The following CCNY variants were observed in gnomAD, a reference collection of about 807,000 sequenced individuals.
The protein encoded by CCNY is cyclin Y.
Under a neutral mutation model 42.8 loss-of-function variants are expected in CCNY, and 19 were observed. The observed-to-expected ratio is 0.44, with a 90% CI of 0.31 to 0.65. The LOEUF (loss-of-function observed/expected upper bound fraction) is 0.65. Ranked by LOEUF, CCNY falls within the 30% of genes least tolerant of loss-of-function variation. The pLI is 0.07. For missense variants in CCNY, 370 were observed against 437.3 expected, an observed-to-expected ratio of 0.85 and a Z score of 1.37; for synonymous variants, 165 against 162.7, an observed-to-expected ratio of 1.01 and a Z score of -0.11.
rs539900621 is a variant in CCNY at position 35,402,112 on chromosome 10, G to A, written c.154+64905G>A. Among the ~76,000 whole-genome samples the A allele has an allele frequency of 3.9e-5, 6 of 152,188 alleles. No homozygotes were observed. In the South Asian group the frequency reaches 8.3e-4, roughly 21 times the overall value. The stretch of plus-strand genomic sequence containing the variant: ...GGGGTGGTATGGAGAGATAATGGGC[G>A]ATGTTTCTCAGGGCTGCTTCAAGTG... On this transcript the variant is annotated intron_variant, in intron 1 of 9. Coordinates refer to ENST00000374704, the MANE Select transcript of CCNY (RefSeq NM_145012.6).
intron 1 of CCNY, chr10:35,248,023 T>C (rs2095709463): frequency 6.6e-6 from 1 of 152,104 alleles, no homozygotes; most frequent in Non-Finnish European, 1.5e-5. Flanking sequence ...GCAGGAACTG[T>C]CACAAACAGC....
intron 3 of CCNY, among the ~76,000 whole-genome samples, chr10:35,311,443 G>A (rs1370706170): frequency 6.6e-6 from 1 of 152,220 alleles, no homozygotes; most frequent in Non-Finnish European, 1.5e-5. Context: ...TTGGGAGGCT[G>A]AGGCGGGTGG....
chr10:35,463,900 A>G (rs898218119), intron 1 of CCNY, among the ~76,000 whole-genome samples: 1 of 152,220 alleles, frequency 6.6e-6, no homozygotes, highest in Non-Finnish European at 1.5e-5. Context: ...AAGAAGCTGC[A>G]TTATGGAAGG....
chr10:35,295,508 A>G (rs1389342546), intron 3 of CCNY, among the ~76,000 whole-genome samples: 2 of 152,154 alleles, frequency 1.3e-5, no homozygotes, highest in African/African-American at 4.8e-5. Context: ...CTGGGATTAC[A>G]GGCTTGAGCC....
chr10:35,256,891 AAAAC>A (rs1240559971), intron 3 of CCNY, among the ~76,000 whole-genome samples: 1 of 152,192 alleles, frequency 6.6e-6, no homozygotes, highest in Non-Finnish European at 1.5e-5. Context: ...TTAAAAGTAA[AAAAC>A]AAAATGTGGA....
intron 1 of CCNY, among the ~76,000 whole-genome samples, chr10:35,442,581 G>A (rs1331183258): frequency 6.6e-6 from 1 of 152,194 alleles, no homozygotes. Context: ...GAACTTTTTA[G>A]TTAAGGGAAA....
At chr10:35,375,612 T>G (rs899537602) in intron 1 of CCNY, among the ~76,000 whole-genome samples, 1 of 152,214 alleles carries the variant, frequency 6.6e-6, no homozygotes, top group African/African-American at 2.4e-5. Flanking sequence ...GGAAAACTGT[T>G]CTCTCCAGAA....
chr10:35,468,274 C>A (rs1839311702), intron 1 of CCNY, among the ~76,000 whole-genome samples: 1 of 152,214 alleles, frequency 6.6e-6, no homozygotes, highest in Non-Finnish European at 1.5e-5. Flanking sequence ...GCTCTGCCCT[C>A]ATGACCCAAT....
intron 1 of CCNY, among the ~76,000 whole-genome samples, chr10:35,458,000 C>T (rs1437290737): frequency 6.6e-6 from 1 of 152,066 alleles, no homozygotes; most frequent in Non-Finnish European, 1.5e-5. Context: ...TTTCTCTTCT[C>T]CCTTGTTTTT....
rs139348310 is a variant in CCNY at position 35,558,501 on chromosome 10, A to G, written c.746+5316A>G. Among the ~76,000 whole-genome samples the G allele has an allele frequency of 2.9e-4, 44 of 152,330 alleles. No individual in the cohort carries two copies. The East Asian group carries it at 6.7e-3, about 23-fold the overall frequency. On this transcript the variant is annotated intron_variant, in intron 8 of 9. Coordinates refer to ENST00000374704, the MANE Select transcript of CCNY (RefSeq NM_145012.6). ...CCCGCTGAGTCCTGTAACAGATGCT[A>G]TTCATGACATGGGCTGAATTGTCTC...
chr10:35,341,779 A>G (rs1439443255), intron 1 of CCNY, among the ~76,000 whole-genome samples: 2 of 152,214 alleles, frequency 1.3e-5, no homozygotes, highest in Non-Finnish European at 2.9e-5. Flanking sequence ...TGAAGTACTG[A>G]AAATGAAACT....
upstream of CCNY, chr10:35,336,349 A>T (rs1376563504): frequency 6.6e-6 from 1 of 151,976 alleles, no homozygotes. Context: ...CCGAGAGAGG[A>T]GCGGCCCCCG....
chr10:35,257,086 T>C (rs79582037), intron 3 of CCNY, among the ~76,000 whole-genome samples: 15,774 of 152,164 alleles, frequency 0.1, 855 homozygotes, highest in African/African-American at 0.13. Flanking sequence ...GAAATCTTTG[T>C]TTCTCCATAT....
chr10:35,530,172 C>T lies in CCNY; in HGVS notation c.508C>T (p.Gln170Ter). Residue 170 changes from glutamine to a stop codon, truncating the protein, a stop_gained, in exon 7 of 10, where the codon CAG becomes TAG. Coordinates refer to ENST00000374704, the MANE Select transcript of CCNY (RefSeq NM_145012.6). LOFTEE classifies it high-confidence loss of function. The surrounding 1 kb of genome is among the most constrained non-coding windows in gnomAD (Gnocchi z 4.3). The part of the protein sequence containing the change: ...DYDKHNPEQK[Q>*]IYRFVRTLFS... Reference sequence around the variant, plus strand: ...TGACAAACACAACCCAGAGCAGAAGCAGATTTACCGGTTCGTTCGGACACT... The same window carrying T: ...TGACAAACACAACCCAGAGCAGAAGTAGATTTACCGGTTCGTTCGGACACT... 6.2e-7 allele frequency: 1 copy of T among 1,614,228 alleles called. No individual in the cohort carries two copies. The highest frequency in any genetic ancestry group is 8.5e-7 in the Non-Finnish European group (1 of 1,180,040).
chr10:35,378,806 A>C (rs1349788881), intron 1 of CCNY, among the ~76,000 whole-genome samples: 1 of 152,112 alleles, frequency 6.6e-6, no homozygotes, highest in African/African-American at 2.4e-5. Flanking sequence ...GAGACCCAGA[A>C]ATGGCAGTGG....
intron 3 of CCNY, among the ~76,000 whole-genome samples, chr10:35,275,177 C>T (rs1309915127): frequency 2.1e-5 from 3 of 145,676 alleles, no homozygotes; most frequent in Non-Finnish European, 4.5e-5. Context: ...AATTCTTCTA[C>T]CTCAGCCTCC....
chr10:35,455,636 T>G (rs1423079677), intron 1 of CCNY, among the ~76,000 whole-genome samples: 1 of 151,678 alleles, frequency 6.6e-6, no homozygotes, highest in Admixed American at 6.6e-5. Flanking sequence ...CAGTGCTCAC[T>G]GTCTCCTCTT....
chr10:35,304,348 C>T (rs1310611161), intron 3 of CCNY, among the ~76,000 whole-genome samples: 5 of 48,352 alleles, frequency 1.0e-4, no homozygotes, highest in Admixed American at 2.3e-4. Context: ...CTCGCTCTGT[C>T]GCCCAGGCTG....
chr10:35,542,269 A>G (rs1841017905), intron 7 of CCNY, among the ~76,000 whole-genome samples: 1 of 151,320 alleles, frequency 6.6e-6, no homozygotes, highest in African/African-American at 2.4e-5. Flanking sequence ...CGTTTTTGTC[A>G]TGATTAGACT....
Sources: allele counts gnomAD v4.1 joint callset (sites outside exome capture counted in the v4.1 genomes callset), GRCh38; gene constraint gnomAD v4.1.1; non-coding constraint Gnocchi (gnomAD v3.1); transcripts MANE v1.5; gene names NCBI Gene and HGNC (gene_info 2026-07-23, HGNC 2026-07-21).